Variants in NXPH1 observed in about 807,000 individuals in gnomAD.
NXPH1 encodes neurexophilin-1.
NXPH1 carries 5 observed loss-of-function variants against 23.7 expected under a neutral mutation model. That is an observed-to-expected ratio of 0.21 (90% CI 0.11 to 0.44). The LOEUF is 0.44. Among genes scored for constraint, NXPH1 ranks in the 20% least tolerant of loss-of-function variants. The pLI is 0.99. For synonymous variants in NXPH1, 144 were observed against 122.2 expected, an observed-to-expected ratio of 1.18 and a Z score of -1.18; for missense variants, 324 against 321.6, an observed-to-expected ratio of 1.01 and a Z score of -0.06.
At chr7:8,637,592 C>T (rs1048473048) in intron 2 of NXPH1, among the ~76,000 whole-genome samples, 23 of 152,078 alleles carry the variant, frequency 1.5e-4, no homozygotes, top group Non-Finnish European at 2.9e-4. Flanking sequence ...CCTGCTTTTA[C>T]ATGATCTAAT....
At chr7:8,575,641 T>G (rs183544827) in intron 2 of NXPH1, among the ~76,000 whole-genome samples, 10 of 152,302 alleles carry the variant, frequency 6.6e-5, no homozygotes, top group Admixed American at 5.2e-4. Context: ...TCCATTTGAA[T>G]TATCTGGATA....
chr7:8,499,721 G>A (rs1319325934), intron 2 of NXPH1, among the ~76,000 whole-genome samples: 1 of 152,036 alleles, frequency 6.6e-6, no homozygotes, highest in African/African-American at 2.4e-5. Context: ...TGAGGCCTAA[G>A]GAGCTCTCAA....
chr7:8,461,646 A>C (rs898960416), intron 2 of NXPH1, among the ~76,000 whole-genome samples: 3 of 150,662 alleles, frequency 2.0e-5, no homozygotes, highest in African/African-American at 7.4e-5. Flanking sequence ...CTGGCTAACA[A>C]GGTGAAACCC....
At chr7:8,539,976 T>A (rs374333925) in intron 2 of NXPH1, among the ~76,000 whole-genome samples, 11 of 151,958 alleles carry the variant, frequency 7.2e-5, no homozygotes, top group African/African-American at 2.6e-4. Context: ...TATTTTGTTT[T>A]AGATAATTTA....
chr7:8,736,215 G>C (rs36034274), intron 2 of NXPH1, among the ~76,000 whole-genome samples: 29,582 of 152,050 alleles, frequency 0.19, 2,971 homozygotes, highest in Admixed American at 0.24. Context: ...GTTTAATTGT[G>C]ATGTCAGGGT....
At chr7:8,726,449 A>C (rs1780055088) in intron 2 of NXPH1, among the ~76,000 whole-genome samples, 1 of 150,074 alleles carries the variant, frequency 6.7e-6, no homozygotes, top group African/African-American at 2.4e-5. Flanking sequence ...CTCGTCATCT[A>C]GCATTAGGTA....
In NXPH1 at chr7:8,565,078, T is replaced by C. The variant is rs940088404; in HGVS notation, c.54+129311T>C. Reference sequence around the variant, plus strand: ...GAACTCTTTCCTGCCCAATCACCTGTGGCATATAAGACGGCACCACAAATC... The same window carrying C: ...GAACTCTTTCCTGCCCAATCACCTGCGGCATATAAGACGGCACCACAAATC... On this transcript the variant is annotated intron_variant, in intron 2 of 2. Transcript: ENST00000405863. Among the ~76,000 whole-genome samples, 5 of 151,902 alleles carry C rather than the reference T, an allele frequency of 3.3e-5. No homozygotes were observed. The East Asian group carries it at 9.8e-4, about 30-fold the overall frequency.
At chr7:8,611,856 G>T (rs1819629039) in intron 2 of NXPH1, among the ~76,000 whole-genome samples, 1 of 152,034 alleles carries the variant, frequency 6.6e-6, no homozygotes, top group African/African-American at 2.4e-5. Flanking sequence ...ACTAAGTCTA[G>T]AGTAACATGG....
intron 2 of NXPH1, among the ~76,000 whole-genome samples, chr7:8,561,380 A>ACACACACACACC (rs1818441964): frequency 6.7e-6 from 1 of 150,300 alleles, no homozygotes; most frequent in African/African-American, 2.5e-5. Context: ...ACACACACAC[A>ACACACACACACC]CACCTCTCTC....
intron 2 of NXPH1, among the ~76,000 whole-genome samples, chr7:8,728,600 G>T (rs542839467): frequency 6.6e-6 from 1 of 152,144 alleles, no homozygotes; most frequent in South Asian, 2.1e-4. Context: ...AGATAATCAT[G>T]TGGTTTTTGT....
chr7:8,502,269 C>G (rs190318216), intron 2 of NXPH1, among the ~76,000 whole-genome samples: 1 of 152,018 alleles, frequency 6.6e-6, no homozygotes, highest in East Asian at 1.9e-4. Context: ...TGTTTAATGG[C>G]AAAAACTAAA....
At chr7:8,540,761 A>C (rs905499812) in intron 2 of NXPH1, among the ~76,000 whole-genome samples, 1 of 151,728 alleles carries the variant, frequency 6.6e-6, no homozygotes, top group Non-Finnish European at 1.5e-5. Context: ...AGTGGCTAAC[A>C]CTCACACAGT....
chr7:8,654,268 A>G (rs1820537723), intron 2 of NXPH1, among the ~76,000 whole-genome samples: 1 of 152,110 alleles, frequency 6.6e-6, no homozygotes, highest in South Asian at 2.1e-4. Flanking sequence ...TCCTGGAGTT[A>G]GATTCCAACT....
chr7:8,525,374 A>G (rs1817844791), intron 2 of NXPH1, among the ~76,000 whole-genome samples: 1 of 152,224 alleles, frequency 6.6e-6, no homozygotes, highest in South Asian at 2.1e-4. Flanking sequence ...AGAAGCAAGA[A>G]TAAAAGTTTG....
intron 2 of NXPH1, among the ~76,000 whole-genome samples, chr7:8,532,960 T>C (rs1309626277): frequency 6.6e-6 from 1 of 152,158 alleles, no homozygotes; most frequent in Non-Finnish European, 1.5e-5. Context: ...CTATTGCCAC[T>C]GCCAGCAGCC....
chr7:8,625,051 C>T (rs1402658260), intron 2 of NXPH1, among the ~76,000 whole-genome samples: 2 of 152,072 alleles, frequency 1.3e-5, no homozygotes, highest in African/African-American at 4.8e-5. Flanking sequence ...GAAGACTGTC[C>T]CAATCCATAT....
intron 2 of NXPH1, among the ~76,000 whole-genome samples, chr7:8,519,263 A>C (rs1817732620): frequency 6.6e-6 from 1 of 152,212 alleles, no homozygotes; most frequent in African/African-American, 2.4e-5. Flanking sequence ...TTTACTCAAA[A>C]AACACCTTTA....
intron 2 of NXPH1, among the ~76,000 whole-genome samples, chr7:8,638,985 A>G (rs1354752306): frequency 2.0e-5 from 3 of 151,632 alleles, no homozygotes; most frequent in Non-Finnish European, 4.4e-5. Context: ...CAAGCTGAAG[A>G]TAATAACATT....
chr7:8,656,204 C>T (rs919334994), intron 2 of NXPH1, among the ~76,000 whole-genome samples: 9 of 152,182 alleles, frequency 5.9e-5, no homozygotes, highest in Non-Finnish European at 5.9e-5. Flanking sequence ...TTCTAGTTCA[C>T]TTCTGATAAG....
Sources: gnomAD v4.1 joint callset for allele counts (sites outside exome capture counted in the v4.1 genomes callset) on GRCh38, gnomAD v4.1.1 for gene constraint, MANE v1.5 for transcripts, NCBI Gene and HGNC (gene_info 2026-07-23, HGNC 2026-07-21) for gene names.